Variants in GATAD1 observed in about 807,000 individuals in gnomAD.
GATAD1 encodes the protein GATA zinc finger domain-containing protein 1.
GATAD1 carries 12 observed loss-of-function variants against 26.5 expected under a neutral mutation model. The observed-to-expected ratio is 0.45, with a 90% CI of 0.29 to 0.73. The LOEUF is 0.73. Among genes scored for constraint, GATAD1 ranks in the 30% least tolerant of loss-of-function variants. The pLI is 0.10. For missense variants in GATAD1, 266 were observed against 342.1 expected (o/e 0.78, Z 1.75); for synonymous variants, 129 against 133.1 (o/e 0.97, Z 0.21).
chr7:92,472,058 G>A, the GATAD1 span: 6 of 152,192 alleles, frequency 3.9e-5, no homozygotes, highest in Non-Finnish European at 7.3e-5. Context: ...CAGTATACAA[G>A]TTGAGGTCGG....
At chr7:92,450,908 C>T in intron 3 of GATAD1, 148 bp downstream of exon 3, 3 of 579,122 alleles carry the variant, frequency 5.2e-6, no homozygotes, top group Non-Finnish European at 9.3e-6. Context: ...TGTTTTCCCC[C>T]ATAAGTGGCT....
chr7:92,492,956 G>A, the GATAD1 span: 6 of 1,611,960 alleles, frequency 3.7e-6, no homozygotes, highest in South Asian at 5.5e-5. Context: ...AACTTGCCTG[G>A]AGTCCACTCG....
chr7:92,490,632 C>CA, the GATAD1 span, among the ~76,000 whole-genome samples: 1,462 of 79,462 alleles, frequency 0.018, 47 homozygotes, highest in African/African-American at 0.057. Flanking sequence ...GAGACTGTCT[C>CA]AAAAAAAAAA....
At chr7:92,493,969 G>GT in the GATAD1 span, 5,739 of 273,630 alleles carry the variant, frequency 0.021, no homozygotes, top group South Asian at 0.038. Context: ...CTGTATCAGA[G>GT]TTTTTTTTTT....
At chr7:92,452,643 A>G (rs1349652611) in intron 3 of GATAD1, among the ~76,000 whole-genome samples, 3 of 152,198 alleles carry the variant, frequency 2.0e-5, no homozygotes, top group Non-Finnish European at 4.4e-5. Flanking sequence ...TCAGCAAATG[A>G]GGAGACTACT....
the GATAD1 span, chr7:92,487,322 A>G: frequency 1.7e-6 from 1 of 587,122 alleles, no homozygotes; most frequent in Non-Finnish European, 3.0e-6. Flanking sequence ...TATAGCATTT[A>G]CCAATCTGTG....
chr7:92,483,851 G>T, the GATAD1 span, among the ~76,000 whole-genome samples: 1 of 152,152 alleles, frequency 6.6e-6, no homozygotes, highest in African/African-American at 2.4e-5. Context: ...GAAGAATTGG[G>T]ACCTGGCTCG....
the GATAD1 span, among the ~76,000 whole-genome samples, chr7:92,479,998 G>A: frequency 6.6e-6 from 1 of 152,256 alleles, no homozygotes; most frequent in South Asian, 2.1e-4. Flanking sequence ...TTGGTTGCGA[G>A]TTTTTGGGCT....
chr7:92,494,740 ACTT>A, the GATAD1 span: 27 of 647,596 alleles, frequency 4.2e-5, no homozygotes, highest in Middle Eastern at 3.2e-3. Flanking sequence ...ATATTTATAT[ACTT>A]CTTTTAATTT....
the GATAD1 span, chr7:92,489,937 A>AG: frequency 6.3e-7 from 1 of 1,579,462 alleles, no homozygotes. Flanking sequence ...TAGTAATGAA[A>AG]GATGGAAGGA....
chr7:92,461,708 T>C (rs1309614553), downstream of GATAD1, among the ~76,000 whole-genome samples: 3 of 152,082 alleles, frequency 2.0e-5, no homozygotes, highest in Middle Eastern at 3.2e-3. Context: ...GAGAAACAGC[T>C]CCCTCATGTG....
the GATAD1 span, chr7:92,468,785 T>A: frequency 1.3e-6 from 1 of 743,774 alleles, no homozygotes; most frequent in East Asian, 2.4e-5. Flanking sequence ...CCTGCTGAAT[T>A]GGGGCGTAGT....
chr7:92,461,390 A>G (rs909661701), downstream of GATAD1: 1 of 152,250 alleles, frequency 6.6e-6, no homozygotes, highest in African/African-American at 2.4e-5. Flanking sequence ...AGTGTTCAGC[A>G]AGCTCCAACA....
chr7:92,467,967 G>C, the GATAD1 span, among the ~76,000 whole-genome samples: 1 of 152,206 alleles, frequency 6.6e-6, no homozygotes, highest in Non-Finnish European at 1.5e-5. Flanking sequence ...CACCCTCATG[G>C]TTGTGTTACT....
the GATAD1 span, among the ~76,000 whole-genome samples, chr7:92,477,069 G>C: frequency 5.9e-5 from 9 of 152,316 alleles, no homozygotes; most frequent in East Asian, 1.7e-3. Flanking sequence ...GGCGACTGTT[G>C]AGACTTCTGG....
At chr7:92,467,741 G>T in the GATAD1 span, among the ~76,000 whole-genome samples, 1 of 152,244 alleles carries the variant, frequency 6.6e-6, no homozygotes, top group African/African-American at 2.4e-5. Context: ...GGAAGACTTT[G>T]AAAAGTATTA....
the GATAD1 span, chr7:92,491,625 G>C: frequency 1.5e-6 from 1 of 669,140 alleles, no homozygotes; most frequent in Admixed American, 2.6e-5. Flanking sequence ...TTTTCAAAGA[G>C]CTCATTAATT....
downstream of GATAD1, among the ~76,000 whole-genome samples, chr7:92,460,233 G>A (rs1789869347): frequency 6.6e-6 from 1 of 152,142 alleles, no homozygotes. Flanking sequence ...TATAAACATT[G>A]CACACGCTTA....
At chr7:92,448,512 A>T (rs181791073) in intron 1 of GATAD1, among the ~76,000 whole-genome samples, 12 of 152,184 alleles carry the variant, frequency 7.9e-5, no homozygotes, top group Non-Finnish European at 1.5e-4. Context: ...AGCAGCTCAC[A>T]CCTTTTGGAG....
Sources: allele counts gnomAD v4.1 joint callset (sites outside exome capture counted in the v4.1 genomes callset), GRCh38; gene constraint gnomAD v4.1.1; transcripts MANE v1.5; gene names NCBI Gene and HGNC (gene_info 2026-07-23, HGNC 2026-07-21).